Variants in ARMH4 observed in about 807,000 individuals in gnomAD.
The protein encoded by ARMH4 is armadillo-like helical domain-containing protein 4.
A neutral mutation model predicts 61.9 loss-of-function variants in ARMH4; 49 were observed. The observed-to-expected ratio is 0.79, with a 90% confidence interval of 0.63 to 1.00. The LOEUF is 1.00. ARMH4 is among the 50% of genes least tolerant of loss of function. ARMH4 has a pLI of 0.00. For synonymous variants in ARMH4, 368 were observed against 341.5 expected (o/e 1.08, Z -0.85); for missense variants, 934 against 930.0 (o/e 1.00, Z -0.06).
chr14:58,052,249 TCCA>T (rs1168949026), intron 5 of ARMH4, among the ~76,000 whole-genome samples: 1 of 152,144 alleles, frequency 6.6e-6, no homozygotes, highest in Non-Finnish European at 1.5e-5. Flanking sequence ...TCTCATTTCC[TCCA>T]CCACACCTGT....
intron 1 of ARMH4, among the ~76,000 whole-genome samples, chr14:58,150,123 A>G (rs1159710513): frequency 6.6e-6 from 1 of 152,196 alleles, no homozygotes; most frequent in East Asian, 1.9e-4. Flanking sequence ...AATTGGACAT[A>G]TCATTTCTGG....
chr14:58,019,740 G>A (rs886638310), intron 5 of ARMH4, among the ~76,000 whole-genome samples: 7 of 151,948 alleles, frequency 4.6e-5, no homozygotes, highest in African/African-American at 4.8e-5. Context: ...GCAGTGAGCC[G>A]AGATCACGCC....
At chr14:58,146,148 G>A (rs903877395) in intron 1 of ARMH4, among the ~76,000 whole-genome samples, 1 of 152,228 alleles carries the variant, frequency 6.6e-6, no homozygotes, top group African/African-American at 2.4e-5. Flanking sequence ...CAATGTGCCT[G>A]GCACAGAAGA....
chr14:58,067,347 G>C (rs1884737271), intron 5 of ARMH4, among the ~76,000 whole-genome samples: 1 of 152,318 alleles, frequency 6.6e-6, no homozygotes, highest in East Asian at 1.9e-4. Context: ...CCCTCCTGGA[G>C]CTTCCAATCT....
At chr14:58,040,086 A>G (rs775529878) in intron 5 of ARMH4, among the ~76,000 whole-genome samples, 4 of 152,194 alleles carry the variant, frequency 2.6e-5, no homozygotes, top group Non-Finnish European at 4.4e-5. Context: ...GAAAAAACAC[A>G]AGTATGAAGT....
At chr14:58,146,983 T>C (rs1160098797) in intron 1 of ARMH4, among the ~76,000 whole-genome samples, 4 of 152,160 alleles carry the variant, frequency 2.6e-5, no homozygotes. Context: ...CAGTTCGCTT[T>C]ATATTTTCCT....
intron 1 of ARMH4, among the ~76,000 whole-genome samples, chr14:58,148,118 C>T (rs1183572251): frequency 1.3e-5 from 2 of 152,098 alleles, no homozygotes; most frequent in South Asian, 4.1e-4. Flanking sequence ...GGCATGATCT[C>T]GGCTCACAAC....
chr14:58,006,911 AAAAT>A (rs59871401), intron 6 of ARMH4, among the ~76,000 whole-genome samples: 27,333 of 150,426 alleles, frequency 0.18, 3,144 homozygotes, highest in East Asian at 0.45. Context: ...ACGTATAATA[AAAAT>A]AAATAAATAA....
rs562722261 is a variant in ARMH4, at chr14:58,046,043, C to T, written c.2090-33893G>A. Among the ~76,000 whole-genome samples the T allele has an allele frequency of 1.2e-4, 18 of 152,260 alleles. No individual in the cohort carries two copies. The East Asian group carries it at 2.9e-3, about 24-fold the overall frequency. On this transcript the variant is annotated intron_variant, in intron 5 of 7. Coordinates refer to ENST00000267485, the MANE Select transcript of ARMH4 (RefSeq NM_001001872.4). ...CACCTGGCTTTTTACTTCCAGCCACCAGAACTGGGAGAGAACACATTTCTC... is the reference window on the plus strand; with the variant it reads ...CACCTGGCTTTTTACTTCCAGCCACTAGAACTGGGAGAGAACACATTTCTC...
intron 1 of ARMH4, among the ~76,000 whole-genome samples, 180 bp downstream of exon 1, chr14:58,151,895 G>C (rs1184334106): frequency 6.6e-6 from 1 of 152,174 alleles, no homozygotes; most frequent in African/African-American, 2.4e-5. Context: ...CCCACACCTG[G>C]GCACCGCGCT....
chr14:58,116,041 T>G (rs1037144113), intron 4 of ARMH4: 3 of 152,614 alleles, frequency 2.0e-5, no homozygotes, highest in African/African-American at 7.2e-5. Context: ...AACCTGTACA[T>G]GTACCCCCAA....
At chr14:58,050,428 C>A (rs1235317008) in intron 5 of ARMH4, among the ~76,000 whole-genome samples, 1 of 152,212 alleles carries the variant, frequency 6.6e-6, no homozygotes, top group African/African-American at 2.4e-5. Context: ...ACCCATTCGA[C>A]CTGGTGATAG....
Position 58,139,207 on chromosome 14 carries a change from T to C in ARMH4, c.152A>G (p.Asn51Ser), listed in dbSNP as rs780847223. 1 of 1,614,218 alleles carries C rather than the reference T, an allele frequency of 6.2e-7. No homozygotes were observed. The highest frequency in any genetic ancestry group is 1.1e-5 in the South Asian group (1 of 91,086). ...HAEKGQSDKMNTDDLENSSVT... is the reference protein window; with the variant it reads ...HAEKGQSDKMSTDDLENSSVT... The stretch of plus-strand genomic sequence containing the variant: ...AGAGCTATTTTCTAGGTCATCGGTG[T>C]TCATCTTATCGGACTGCCCTTTTTC... The change falls in exon 2 of 8, where the codon AAC (asparagine) becomes AGC (serine). Residue 51 changes from asparagine to serine, a missense_variant. Coordinates refer to ENST00000267485, the MANE Select transcript of ARMH4 (RefSeq NM_001001872.4).
intron 5 of ARMH4, among the ~76,000 whole-genome samples, chr14:58,066,681 C>T (rs977657656): frequency 2.6e-5 from 4 of 152,128 alleles, no homozygotes; most frequent in African/African-American, 4.8e-5. Flanking sequence ...CCAGAAGGAA[C>T]GTCAGTATGT....
rs528330308 is a variant in ARMH4 at position 58,004,143 on chromosome 14, G to A, written c.*593C>T. The A allele has an allele frequency of 1.3e-5, 2 of 152,256 alleles. No individual in the cohort carries two copies. Among genetic ancestry groups the A allele is most frequent in the African/African-American group, 4.8e-5 (2 of 41,540 alleles). 9.4% of individuals were successfully genotyped at this position (152,256 alleles called of 1,614,324 possible). ...CGGAAGGTGAGAATAATAAAACTAG[G>A]AGACTGAAGTACATAATGCAAAATA... On this transcript the variant is annotated 3_prime_UTR_variant, in exon 8 of 8. Coordinates refer to ENST00000267485, the MANE Select transcript of ARMH4 (RefSeq NM_001001872.4).
intron 5 of ARMH4, among the ~76,000 whole-genome samples, chr14:58,033,243 C>T (rs1183675403): frequency 1.7e-5 from 2 of 118,262 alleles, no homozygotes; most frequent in East Asian, 2.2e-4. Context: ...GGTCCCTGAC[C>T]CCTGACCCCC....
chr14:58,084,819 T>C (rs1042234247), intron 5 of ARMH4, among the ~76,000 whole-genome samples: 2 of 152,196 alleles, frequency 1.3e-5, no homozygotes, highest in East Asian at 1.9e-4. Flanking sequence ...GTTGACCATA[T>C]AGCTATATTT....
rs1886215530 is a variant in ARMH4, at chr14:58,107,822, A to C, written c.1832-10841T>G. Among the ~76,000 whole-genome samples, 3 of 152,076 alleles carry C rather than the reference A, an allele frequency of 2.0e-5. No individual in the cohort carries two copies. The South Asian group carries it at 6.2e-4, about 32-fold the overall frequency. The stretch of plus-strand genomic sequence containing the variant: ...GGAAAAGAAGAAGGATGCCATGAAA[A>C]GAAACAAGGTAGCTTCACCAGGCAT... On this transcript the variant is annotated intron_variant, in intron 4 of 7. Transcript: ENST00000267485.
intron 4 of ARMH4, among the ~76,000 whole-genome samples, chr14:58,097,203 A>T (rs1774860333): frequency 6.6e-6 from 1 of 152,210 alleles, no homozygotes; most frequent in Admixed American, 6.5e-5. Context: ...GATAAGTATC[A>T]GGTATTATGT....
Sources: allele counts gnomAD v4.1 joint callset (sites outside exome capture counted in the v4.1 genomes callset), GRCh38; gene constraint gnomAD v4.1.1; transcripts MANE v1.5; gene names NCBI Gene and HGNC (gene_info 2026-07-23, HGNC 2026-07-21).